Variants in SCHIP1 observed in about 807,000 individuals in gnomAD.
The protein encoded by SCHIP1 is schwannomin-interacting protein 1.
Under a neutral mutation model 29.7 loss-of-function variants are expected in SCHIP1, and 8 were observed. The observed-to-expected ratio is 0.27, with a 90% confidence interval of 0.16 to 0.49. SCHIP1 has a LOEUF of 0.49. SCHIP1 is among the 20% of genes least tolerant of loss of function. The pLI, the probability that SCHIP1 is intolerant of heterozygous loss-of-function variation, is 0.99. For missense variants in SCHIP1, 193 were observed against 294.6 expected (o/e 0.66, Z 2.52); for synonymous variants, 76 against 94.9 (o/e 0.80, Z 1.16).
At chr3:159,728,102 T>C in the SCHIP1 span, among the ~76,000 whole-genome samples, 1 of 152,076 alleles carries the variant, frequency 6.6e-6, no homozygotes. Flanking sequence ...ATATGTAAGC[T>C]GCATGATGTC....
chr3:159,513,130 G>C, the SCHIP1 span, among the ~76,000 whole-genome samples: 1 of 152,144 alleles, frequency 6.6e-6, no homozygotes, highest in Non-Finnish European at 1.5e-5. Flanking sequence ...CTATTTAGAA[G>C]TACTTACATA....
At chr3:159,451,851 T>C in the SCHIP1 span, among the ~76,000 whole-genome samples, 1 of 152,132 alleles carries the variant, frequency 6.6e-6, no homozygotes, top group Non-Finnish European at 1.5e-5. Context: ...TTGGAGCCTG[T>C]AGAGAGACAG....
chr3:159,333,534 A>G, the SCHIP1 span, among the ~76,000 whole-genome samples: 27 of 142,496 alleles, frequency 1.9e-4, no homozygotes, highest in African/African-American at 7.1e-4. Context: ...CACACACTCC[A>G]CTGACTCTTC....
the SCHIP1 span, among the ~76,000 whole-genome samples, chr3:159,591,814 T>G: frequency 6.6e-6 from 1 of 151,982 alleles, no homozygotes; most frequent in South Asian, 2.1e-4. Flanking sequence ...AAATACCTAA[T>G]GCATACAGGC....
At chr3:159,602,230 G>A in the SCHIP1 span, among the ~76,000 whole-genome samples, 79 of 152,168 alleles carry the variant, frequency 5.2e-4, no homozygotes, top group Middle Eastern at 3.4e-3. Flanking sequence ...CACTTGTTTC[G>A]TTCTCATCTG....
At chr3:159,701,500 T>C in the SCHIP1 span, among the ~76,000 whole-genome samples, 4 of 152,294 alleles carry the variant, frequency 2.6e-5, no homozygotes, top group South Asian at 8.3e-4. Flanking sequence ...AAGAAAATGG[T>C]TTGGATGATC....
chr3:159,433,311 C>T, the SCHIP1 span, among the ~76,000 whole-genome samples: 1 of 152,122 alleles, frequency 6.6e-6, no homozygotes, highest in Non-Finnish European at 1.5e-5. Context: ...TGGGCTTGGT[C>T]CTTTGTGGAC....
At chr3:159,541,567 C>G in the SCHIP1 span, among the ~76,000 whole-genome samples, 1 of 151,944 alleles carries the variant, frequency 6.6e-6, no homozygotes, top group Admixed American at 6.6e-5. Flanking sequence ...GATATCTTTC[C>G]ATATCAAATC....
the SCHIP1 span, among the ~76,000 whole-genome samples, chr3:159,715,463 G>A: frequency 6.6e-6 from 1 of 152,160 alleles, no homozygotes; most frequent in Non-Finnish European, 1.5e-5. Context: ...TGAGCTAAAG[G>A]AGGATATTTG....
chr3:159,569,001 C>T, the SCHIP1 span, among the ~76,000 whole-genome samples: 2 of 152,092 alleles, frequency 1.3e-5, no homozygotes, highest in Admixed American at 6.6e-5. Flanking sequence ...ATCCTTTCTG[C>T]CCTAAAAACT....
chr3:159,438,189 AT>A, the SCHIP1 span, among the ~76,000 whole-genome samples: 3 of 152,146 alleles, frequency 2.0e-5, no homozygotes, highest in African/African-American at 7.2e-5. Flanking sequence ...TAAAACATAA[AT>A]GCAGATCTGT....
chr3:159,337,329 G>A, the SCHIP1 span, among the ~76,000 whole-genome samples: 1 of 152,068 alleles, frequency 6.6e-6, no homozygotes, highest in African/African-American at 2.4e-5. Flanking sequence ...TCAACATAGT[G>A]TTGGAAGTTC....
the SCHIP1 span, among the ~76,000 whole-genome samples, chr3:159,759,056 A>G: frequency 6.6e-6 from 1 of 152,340 alleles, no homozygotes. Context: ...CATTTTGCCT[A>G]TATTTTGCCA....
At chr3:159,880,479 T>C (rs1007685644) in intron 2 of SCHIP1, among the ~76,000 whole-genome samples, 1 of 152,238 alleles carries the variant, frequency 6.6e-6, no homozygotes, top group African/African-American at 2.4e-5. Context: ...GACTTAATGA[T>C]CCAAGCACTT....
chr3:159,837,964 G>A (rs1221393861), upstream of SCHIP1, among the ~76,000 whole-genome samples: 4 of 152,192 alleles, frequency 2.6e-5, no homozygotes, highest in African/African-American at 7.2e-5. Flanking sequence ...AGTCCTGCAC[G>A]TGTTATGTGA....
the SCHIP1 span, among the ~76,000 whole-genome samples, chr3:159,731,672 G>A: frequency 6.6e-6 from 1 of 152,318 alleles, no homozygotes; most frequent in African/African-American, 2.4e-5. Context: ...GGGGCAAACT[G>A]CCCTCCTCTT....
At chr3:159,475,150 C>T in the SCHIP1 span, among the ~76,000 whole-genome samples, 19 of 152,214 alleles carry the variant, frequency 1.2e-4, no homozygotes, top group African/African-American at 4.1e-4. Context: ...AGCAGCATTA[C>T]TCATGGACAG....
At chr3:159,401,494 C>CCAAT in the SCHIP1 span, 2 of 294,132 alleles carry the variant, frequency 6.8e-6, no homozygotes, top group African/African-American at 4.6e-5. Flanking sequence ...CTAATACCAA[C>CCAAT]CCTGTGTGAT....
chr3:159,806,349 C>T, the SCHIP1 span, among the ~76,000 whole-genome samples: 5 of 152,186 alleles, frequency 3.3e-5, no homozygotes, highest in East Asian at 9.7e-4. Flanking sequence ...CTTCTTTGGT[C>T]TGTATGTGGC....
Sources: gnomAD v4.1 joint callset for allele counts (sites outside exome capture counted in the v4.1 genomes callset) on GRCh38, gnomAD v4.1.1 for gene constraint, MANE v1.5 for transcripts, NCBI Gene and HGNC (gene_info 2026-07-23, HGNC 2026-07-21) for gene names.